The following HTT variants were observed in gnomAD, a reference collection of about 807,000 sequenced individuals.
The protein encoded by HTT is huntingtin, also known as huntington disease protein.
In HTT, 104 loss-of-function variants were observed where a neutral mutation model predicts 362.3. The observed-to-expected ratio is 0.29, with a 90% CI of 0.24 to 0.34. HTT has a LOEUF of 0.34. Among genes scored for constraint, HTT ranks in the 10% least tolerant of loss-of-function variants. The probability of loss-of-function intolerance (pLI) is 1.00; values close to 1 mark genes in which losing one functional copy is unlikely to be tolerated. For missense variants in HTT, 3,301 were observed against 3,928.6 expected, an observed-to-expected ratio of 0.84 and a Z score of 4.27; for synonymous variants, 1,577 against 1,548.7, an observed-to-expected ratio of 1.02 and a Z score of -0.43.
chr4:3,086,162 G>A (rs1713197622), intron 1 of HTT, among the ~76,000 whole-genome samples: 1 of 152,206 alleles, frequency 6.6e-6, no homozygotes, highest in Admixed American at 6.6e-5. Flanking sequence ...GAGAAAGAAA[G>A]AAAGTTTCTA....
chr4:3,155,656 C>T (rs1265432621), intron 27 of HTT, among the ~76,000 whole-genome samples: 10 of 143,094 alleles, frequency 7.0e-5, no homozygotes, highest in African/African-American at 1.3e-4. Flanking sequence ...CTGAGGTGGG[C>T]GGATCACGAG....
intron 6 of HTT, among the ~76,000 whole-genome samples, chr4:3,112,285 A>G (rs945719632): frequency 1.5e-4 from 23 of 152,174 alleles, no homozygotes. Flanking sequence ...CTGACAGGAA[A>G]TGTACATACC....
At position 3,200,020 on chromosome 4, in the gene HTT, C is replaced by T; in HGVS notation, c.5576+81C>T. 6 of 1,137,074 alleles carry T rather than the reference C, an allele frequency of 5.3e-6. No homozygotes were observed. In the South Asian group the frequency reaches 5.7e-5, roughly 11 times the overall value. 70.4% of individuals were successfully genotyped at this position (1,137,074 alleles called of 1,614,324 possible). ...CTCCCAGTAACCTGAGCTTTGGCCA[C>T]CGTTAAAGCATTTTCATTTTCCATT... On this transcript the variant is annotated intron_variant, in intron 41 of 66. Transcript: ENST00000355072.
rs1203386952 is a variant in HTT at position 3,238,627 on chromosome 4, A to G, written c.9054+18A>G. On this transcript the variant is annotated intron_variant, in intron 65 of 66. Transcript: ENST00000355072. ...TGTATAAGGTGAGGTTGCATGTGGG[A>G]TGGGGATGGAGTGGGAAAGCCTGGA... The G allele has an allele frequency of 1.3e-6, 2 of 1,585,440 alleles. No individual in the cohort carries two copies. The highest frequency in any genetic ancestry group is 2.7e-5 in the African/African-American group (2 of 74,398).
At chr4:3,119,189 T>A (rs1715175071) in intron 8 of HTT, among the ~76,000 whole-genome samples, 1 of 152,200 alleles carries the variant, frequency 6.6e-6, no homozygotes, top group Admixed American at 6.5e-5. Context: ...TAGAAACCAT[T>A]CTTCTTGAAT....
At position 3,214,015 on chromosome 4, in the gene HTT, G is replaced by A; in HGVS notation, c.6832G>A (p.Gly2278Arg). 1 of 1,608,712 alleles carries A rather than the reference G, an allele frequency of 6.2e-7. No individual in the cohort carries two copies. Among genetic ancestry groups the A allele is most frequent in the Non-Finnish European group, 8.5e-7 (1 of 1,177,170 alleles). The change falls in exon 50 of 67, where the codon GGG becomes AGG. Residue 2278 changes from glycine to arginine, a missense_variant. Coordinates refer to ENST00000355072, the MANE Select transcript of HTT (RefSeq NM_001388492.1). ...CCCGCTGAGTCTGGATCTCCAGGCAGGGCTGGACTGCTGCTGCCTGGCCCT... is the reference window on the plus strand; with the variant it reads ...CCCGCTGAGTCTGGATCTCCAGGCAAGGCTGGACTGCTGCTGCCTGGCCCT... ...QIPLSLDLQA[G>R]LDCCCLALQL...
chr4:3,131,515 G>GT, intron 15 of HTT, 118 bp downstream of exon 15: 2 of 1,509,900 alleles, frequency 1.3e-6, no homozygotes. Context: ...GATGAGTTTG[G>GT]TTTTCACTAG....
rs540815982 is a variant in HTT, at chr4:3,239,733, T to C, written c.9216-113T>C. The C allele has an allele frequency of 4.6e-4, 391 of 842,814 alleles. 2 individuals carry two copies. Among genetic ancestry groups the C allele is most frequent in the Non-Finnish European group, 6.0e-4 (319 of 533,946 alleles). The allele number at this position is 842,814 out of a possible 1,614,324, so 52.2% of individuals were successfully genotyped here. On this transcript the variant is annotated intron_variant, in intron 66 of 66. Coordinates refer to ENST00000355072, the MANE Select transcript of HTT (RefSeq NM_001388492.1). ...GGCCCTTCCGGGGCTCTGCTCGCTC[T>C]CCAGGCTCCCTGGACCCCTTTGTAG...
chr4:3,148,251 T>A, intron 26 of HTT, 44 bp downstream of exon 26: 1 of 1,390,724 alleles, frequency 7.2e-7, no homozygotes. Context: ...CCTTAATGAC[T>A]ATGGGTTTCC....
intron 64 of HTT, among the ~76,000 whole-genome samples, chr4:3,237,891 A>G (rs905197323): frequency 2.0e-5 from 3 of 152,198 alleles, no homozygotes; most frequent in Non-Finnish European, 4.4e-5. Flanking sequence ...CTGTGTGGTA[A>G]CAAGAAAAAA....
intron 61 of HTT, 35 bp from the exon 62 acceptor site, chr4:3,235,249 G>A: frequency 7.1e-7 from 1 of 1,406,220 alleles, no homozygotes; most frequent in South Asian, 1.2e-5. Flanking sequence ...GTTGGATGGG[G>A]GTGGCTGAGC....
chr4:3,087,684 C>A (rs549091074), intron 2 of HTT, among the ~76,000 whole-genome samples: 1 of 152,244 alleles, frequency 6.6e-6, no homozygotes, highest in South Asian at 2.1e-4. Flanking sequence ...ATTCTGTTAC[C>A]CACATGGGCA....
chr4:3,180,641 A>G lies in HTT; in HGVS notation c.4739A>G (p.Gln1580Arg). ...GTGTCAATGTTACTGAGACTCATCC[A>G]GTACCATCAGGTAAGAGGAATGTAT... is the stretch of plus-strand genomic sequence containing the variant. ...VVVSMLLRLIQYHQVLEMFIL... is the reference protein window; with the variant it reads ...VVVSMLLRLIRYHQVLEMFIL... Residue 1580 changes from glutamine to arginine, a missense_variant, in exon 36 of 67, where the codon CAG becomes CGG. By Grantham distance (43) the Gln-to-Arg change is conservative (BLOSUM62 1). This residue lies in a region of HTT where 2,316 missense variants were observed against 2,658.5 expected (regional missense o/e 0.87). Coordinates refer to ENST00000355072, the MANE Select transcript of HTT (RefSeq NM_001388492.1). 6.2e-7 allele frequency: 1 copy of G among 1,612,984 alleles called. No homozygotes were observed. Among genetic ancestry groups the G allele is most frequent in the Non-Finnish European group, 8.5e-7 (1 of 1,179,540 alleles).
chr4:3,194,171 C>A (rs1165265931), intron 40 of HTT, among the ~76,000 whole-genome samples: 1 of 152,138 alleles, frequency 6.6e-6, no homozygotes, highest in Non-Finnish European at 1.5e-5. Context: ...AAAATGAAGA[C>A]CTTTAAATTT....
At chr4:3,078,386 C>T (rs1207109869) in intron 1 of HTT, among the ~76,000 whole-genome samples, 5 of 152,174 alleles carry the variant, frequency 3.3e-5, no homozygotes, top group East Asian at 1.9e-4. Context: ...ATATACAGTA[C>T]GTTAATACGT....
At chr4:3,147,893 C>G (rs939491288) in intron 25 of HTT, 112 bp from the exon 26 acceptor site, 28 of 768,050 alleles carry the variant, frequency 3.6e-5, no homozygotes, top group Non-Finnish European at 5.5e-5. Flanking sequence ...ATATCAGGCA[C>G]AGATGTCTGG....
At chr4:3,107,522 C>T in intron 6 of HTT, 99 bp downstream of exon 6, 2 of 1,215,248 alleles carry the variant, frequency 1.6e-6, no homozygotes, top group Non-Finnish European at 2.4e-6. Flanking sequence ...GGGAGTGCTT[C>T]TTGGGGTATG....
chr4:3,200,924 C>T (rs531794305), intron 41 of HTT, among the ~76,000 whole-genome samples: 3 of 152,308 alleles, frequency 2.0e-5, no homozygotes, highest in African/African-American at 7.2e-5. Context: ...AAATCAGCTG[C>T]GGATTCAGCA....
intron 2 of HTT, among the ~76,000 whole-genome samples, chr4:3,095,889 C>G (rs1436883913): frequency 6.6e-6 from 1 of 152,174 alleles, no homozygotes; most frequent in Non-Finnish European, 1.5e-5. Context: ...AGATTTCAAC[C>G]TAACTATGTC....
Sources: allele counts gnomAD v4.1 joint callset (sites outside exome capture counted in the v4.1 genomes callset), GRCh38; gene constraint gnomAD v4.1.1; regional missense constraint gnomAD v4.1.1; transcripts MANE v1.5; gene names NCBI Gene and HGNC (gene_info 2026-07-23, HGNC 2026-07-21).